NEDD4: variants seen among roughly 807,000 people sequenced by gnomAD.
NEDD4 encodes the protein NEDD4 E3 ubiquitin protein ligase, also known as E3 ubiquitin-protein ligase NEDD4.
NEDD4 carries 99 observed loss-of-function variants against 144.9 expected under a neutral mutation model. The ratio of observed to expected loss-of-function variants is 0.68; its 90% CI spans 0.58 to 0.81. The LOEUF (loss-of-function observed/expected upper bound fraction) is 0.81, where lower values mean the gene tolerates loss of function less well. Ranked by LOEUF, NEDD4 falls within the 30% of genes least tolerant of loss-of-function variation. NEDD4 has a pLI of 0.00. For synonymous variants in NEDD4, 318 were observed against 350.6 expected (o/e 0.91, Z 1.04); for missense variants, 985 against 1,065.9 (o/e 0.92, Z 1.06).
At chr15:55,991,130 CT>C (rs1777326544) in intron 1 of NEDD4, among the ~76,000 whole-genome samples, 1 of 152,168 alleles carries the variant, frequency 6.6e-6, no homozygotes, top group African/African-American at 2.4e-5. Context: ...ATTTTTCTCC[CT>C]GTTTTAGTTT....
rs2037786697 is a variant in NEDD4, at chr15:55,980,799, T to C, written c.45+12712A>G. Among the ~76,000 whole-genome samples the C allele has an allele frequency of 2.6e-5, 4 of 152,134 alleles. No individual in the cohort carries two copies. The South Asian group carries it at 8.3e-4, about 32-fold the overall frequency. On this transcript the variant is annotated intron_variant, in intron 1 of 28. Transcript: ENST00000435532. ...TTTTTAGTGTGTGTGTAGGGGTGTGTGTGTGTGTGTGTGTGTTACATTTTT... is the reference window on the plus strand; with the variant it reads ...TTTTTAGTGTGTGTGTAGGGGTGTGCGTGTGTGTGTGTGTGTTACATTTTT...
chr15:55,877,846 AT>A (rs1377618744), intron 5 of NEDD4, among the ~76,000 whole-genome samples: 2 of 151,812 alleles, frequency 1.3e-5, no homozygotes, highest in African/African-American at 2.4e-5. Flanking sequence ...ATTGTTACTT[AT>A]TTTTTTACTC....
At chr15:55,875,863 C>A (rs1406700434) in intron 5 of NEDD4, among the ~76,000 whole-genome samples, 1 of 151,788 alleles carries the variant, frequency 6.6e-6, no homozygotes, top group East Asian at 1.9e-4. Flanking sequence ...AAAAAAACAG[C>A]CAAAATATTC....
intron 27 of NEDD4, among the ~76,000 whole-genome samples, chr15:55,832,531 C>T (rs2033003525): frequency 1.3e-5 from 2 of 152,156 alleles, no homozygotes; most frequent in East Asian, 3.8e-4. Flanking sequence ...TCTCCTGCCT[C>T]AGCCTCCCAA....
chr15:55,903,601 G>A (rs1429278445), intron 5 of NEDD4, among the ~76,000 whole-genome samples: 1 of 151,988 alleles, frequency 6.6e-6, no homozygotes, highest in Non-Finnish European at 1.5e-5. Context: ...GAGGTGGGTG[G>A]ATCACGAGGT....
intron 1 of NEDD4, among the ~76,000 whole-genome samples, chr15:55,986,131 G>A (rs191078326): frequency 6.6e-6 from 1 of 152,262 alleles, no homozygotes; most frequent in Non-Finnish European, 1.5e-5. Flanking sequence ...AGTCTATGCT[G>A]ATATAAATAA....
chr15:55,843,444 T>G (rs1595736986), intron 18 of NEDD4, among the ~76,000 whole-genome samples: 3 of 152,380 alleles, frequency 2.0e-5, no homozygotes, highest in South Asian at 4.1e-4. Flanking sequence ...TTGTACGTTC[T>G]TTGCTTATGT....
intron 1 of NEDD4, among the ~76,000 whole-genome samples, chr15:55,971,785 C>A (rs1375411457): frequency 6.6e-6 from 1 of 151,770 alleles, no homozygotes; most frequent in Non-Finnish European, 1.5e-5. Context: ...CAGATTTAAC[C>A]CAAAGAAGAC....
intron 4 of NEDD4, among the ~76,000 whole-genome samples, chr15:55,935,114 C>T (rs1156975677): frequency 6.6e-6 from 1 of 151,976 alleles, no homozygotes; most frequent in Non-Finnish European, 1.5e-5. Flanking sequence ...GTGATCCACC[C>T]TCCTCGGCCT....
intron 1 of NEDD4, among the ~76,000 whole-genome samples, chr15:55,986,717 G>A (rs1431863917): frequency 6.7e-6 from 1 of 150,276 alleles, no homozygotes; most frequent in Admixed American, 6.7e-5. Flanking sequence ...AGCCTCCCGA[G>A]TAGCTGGGAC....
intron 5 of NEDD4, among the ~76,000 whole-genome samples, chr15:55,876,853 T>G (rs1170145482): frequency 6.6e-6 from 1 of 152,086 alleles, no homozygotes; most frequent in Non-Finnish European, 1.5e-5. Context: ...TTTTCTTTTT[T>G]TTTCACTTTT....
intron 4 of NEDD4, among the ~76,000 whole-genome samples, chr15:55,927,122 G>A (rs565225577): frequency 6.7e-6 from 1 of 149,986 alleles, no homozygotes; most frequent in Non-Finnish European, 1.5e-5. Flanking sequence ...AAGAAAAACA[G>A]TGTAAGATGA....
Position 55,862,906 on chromosome 15 carries a change from C to T in NEDD4, c.674+7G>A. 4 of 1,584,948 alleles carry T rather than the reference C, an allele frequency of 2.5e-6. No individual in the cohort carries two copies. Among genetic ancestry groups the T allele is most frequent in the Non-Finnish European group, 2.6e-6 (3 of 1,163,296 alleles). On this transcript the variant is annotated splice_region_variant and intron_variant, in intron 9 of 28. Transcript: ENST00000435532. ...AGATTAAAATTGTGAAAGCCATCAG[C>T]ACATACTGAGGGGTTGGTCTTTTCC... is the stretch of plus-strand genomic sequence containing the variant.
At chr15:55,845,998 G>C (rs1473697169) in intron 18 of NEDD4, among the ~76,000 whole-genome samples, 2 of 151,790 alleles carry the variant, frequency 1.3e-5, no homozygotes, top group African/African-American at 4.8e-5. Flanking sequence ...CGTTGGCCAG[G>C]CTGGTCGTGA....
chr15:55,985,325 T>C lies in NEDD4; in HGVS notation c.45+8186A>G, dbSNP rs1422646591. ...GGGTGAATTTCACAGAGGTGCATGG[T>C]TGGCATGCTCGCCAGCACGGGGCAC... On this transcript the variant is annotated intron_variant, in intron 1 of 28. Transcript: ENST00000435532. 3.3e-5 allele frequency among the ~76,000 whole-genome samples: 5 copies of C among 152,316 alleles called. No individual in the cohort carries two copies. The East Asian group carries it at 5.8e-4, about 18-fold the overall frequency.
At chr15:55,860,596 TGA>T (rs1281698156) in intron 10 of NEDD4, 22 bp from the exon 11 acceptor site, 1 of 1,613,838 alleles carries the variant, frequency 6.2e-7, no homozygotes, top group East Asian at 2.2e-5. Flanking sequence ...AGAATAAGCT[TGA>T]GCCACACATA....
intron 2 of NEDD4, among the ~76,000 whole-genome samples, chr15:55,956,179 A>G (rs1345821870): frequency 6.6e-6 from 1 of 152,162 alleles, no homozygotes; most frequent in Non-Finnish European, 1.5e-5. Context: ...TTTATGGGGT[A>G]CATGAGATTA....
At chr15:55,837,904 C>T (rs2033287320) in intron 23 of NEDD4, 55 bp from the exon 24 acceptor site, 2 of 1,410,328 alleles carry the variant, frequency 1.4e-6, no homozygotes, top group South Asian at 2.4e-5. Context: ...TTCTGAGGCA[C>T]AATTATTCTA....
intron 18 of NEDD4, among the ~76,000 whole-genome samples, chr15:55,844,468 G>C (rs1217530007): frequency 6.6e-6 from 1 of 152,126 alleles, no homozygotes; most frequent in South Asian, 2.1e-4. Context: ...TGGAAGAAGA[G>C]GGGGGTACAA....
Sources: gnomAD v4.1 joint callset for allele counts (sites outside exome capture counted in the v4.1 genomes callset) on GRCh38, gnomAD v4.1.1 for gene constraint, MANE v1.5 for transcripts, NCBI Gene and HGNC (gene_info 2026-07-23, HGNC 2026-07-21) for gene names.